Variants in C9orf50 observed in about 807,000 individuals in gnomAD.
C9orf50 encodes chromosome 9 open reading frame 50.
C9orf50 carries 33 observed loss-of-function variants against 42.5 expected under a neutral mutation model. That is an observed-to-expected ratio of 0.78 (90% CI 0.59 to 1.04). The LOEUF (loss-of-function observed/expected upper bound fraction) is 1.04, where lower values mean the gene tolerates loss of function less well. Ranked by LOEUF, C9orf50 falls within the 50% of genes least tolerant of loss-of-function variation. C9orf50 has a pLI of 0.00. For missense variants in C9orf50, 547 were observed against 594.3 expected, an observed-to-expected ratio of 0.92 and a Z score of 0.83; for synonymous variants, 257 against 273.4, an observed-to-expected ratio of 0.94 and a Z score of 0.59.
Position 129,613,650 on chromosome 9 carries a change from C to G in C9orf50, c.881-53G>C. On this transcript the variant is annotated intron_variant, in intron 4 of 6. Transcript: ENST00000372478. The surrounding 1 kb of genome is among the most constrained non-coding windows in gnomAD (Gnocchi z 6.2). ...TCTGCCCAGGAGGAGGGCACTGGTG[C>G]CCCCACCCTCTTTTCCTCCCTCTGG... 6.2e-7 allele frequency: 1 copy of G among 1,603,326 alleles called. No homozygotes were observed.
upstream of C9orf50, among the ~76,000 whole-genome samples, chr9:129,621,545 T>C (rs1431409714): frequency 2.0e-5 from 3 of 152,126 alleles, no homozygotes; most frequent in Non-Finnish European, 4.4e-5. Flanking sequence ...TTTGTAGAAA[T>C]GGGGTAGAAT....
In C9orf50 at chr9:129,617,431, G is replaced by T. The variant is rs377451327; in HGVS notation, c.717-1784C>A. Among the ~76,000 whole-genome samples, 9 of 152,146 alleles carry T rather than the reference G, an allele frequency of 5.9e-5. No individual in the cohort carries two copies. The East Asian group carries it at 1.7e-3, about 29-fold the overall frequency. On this transcript the variant is annotated intron_variant, in intron 3 of 6. Transcript: ENST00000372478. ...TGAAATCTCAGCATCTTCACTCGAG[G>T]GCCACTGGAGCCTGTTCTGAGGCAC... is the stretch of plus-strand genomic sequence containing the variant.
intron 3 of C9orf50, among the ~76,000 whole-genome samples, chr9:129,617,667 G>A (rs534970437): frequency 1.3e-5 from 2 of 151,936 alleles, no homozygotes; most frequent in South Asian, 4.2e-4. Flanking sequence ...GTTGGTAAAT[G>A]TGTTTCACTG....
At position 129,614,476 on chromosome 9, in the gene C9orf50, A is replaced by C; in HGVS notation, c.881-879T>G. On this transcript the variant is annotated intron_variant, in intron 4 of 6. Transcript: ENST00000372478. The surrounding 1 kb of genome is among the most constrained non-coding windows in gnomAD (Gnocchi z 4.4). The stretch of plus-strand genomic sequence containing the variant: ...CTCAATAAACAGCTAGAGGACATTG[A>C]CTGTTGGGGACCCTGGGGGCTGCTG... Among the ~76,000 whole-genome samples, 1 of 152,160 alleles carries C rather than the reference A, an allele frequency of 6.6e-6. No individual in the cohort carries two copies. Among genetic ancestry groups the C allele is most frequent in the East Asian group, 1.9e-4 (1 of 5,196 alleles).
In C9orf50 at chr9:129,616,044, T is replaced by C. The variant is rs145858591; in HGVS notation, c.717-397A>G. On this transcript the variant is annotated intron_variant, in intron 3 of 6. Coordinates refer to ENST00000372478, the Ensembl canonical transcript of C9orf50. The stretch of plus-strand genomic sequence containing the variant: ...AATAAGAATGCCAGCCCAGGAGTCA[T>C]GCAGTCCTGGGTTTCATTCCTGACC... 1.8e-3 allele frequency among the ~76,000 whole-genome samples: 270 copies of C among 152,280 alleles called. 2 individuals carry two copies. Among genetic ancestry groups the C allele is most frequent in the African/African-American group, 6.2e-3 (257 of 41,560 alleles).
intron 6 of C9orf50, 53 bp from the exon 7 acceptor site, chr9:129,612,507 A>G: frequency 7.0e-7 from 1 of 1,419,164 alleles, no homozygotes; most frequent in Admixed American, 1.8e-5. Context: ...GGGGCAGGGG[A>G]CTGGGCTCCC....
At chr9:129,612,231 T>G in exon 7 of C9orf50, 1 of 795,762 alleles carries the variant, frequency 1.3e-6, no homozygotes, top group South Asian at 1.6e-5. Context: ...AGGCTTGTGG[T>G]GTGACACCTA....
chr9:129,620,375 G>T lies in C9orf50; in HGVS notation c.200C>A (p.Ala67Asp). 8.1e-7 allele frequency: 1 copy of T among 1,228,554 alleles called. No homozygotes were observed. The highest frequency in any genetic ancestry group is 1.0e-6 in the Non-Finnish European group (1 of 986,434). The allele number at this position is 1,228,554 out of a possible 1,614,324, so 76.1% of individuals were successfully genotyped here. A position where few individuals can be genotyped will look rare whatever the true frequency, so the allele number is the denominator to read the frequency against. Residue 67 changes from alanine (A) to aspartate (D), a missense_variant, in exon 1 of 7, where the codon GCC (alanine) becomes GAC (aspartate). Ala to Asp is a moderately radical substitution (Grantham distance 126). Around this residue, in one of 3 missense-constraint regions of C9orf50, gnomAD observed 108 missense variants for 172.1 expected, o/e 0.63. Coordinates refer to ENST00000372478, the Ensembl canonical transcript of C9orf50. The surrounding 1 kb of genome is among the most constrained non-coding windows in gnomAD (Gnocchi z 5.8). ...GCGTCCGACGCCCACCCCGGGCTTG[G>T]CGTCCCCTTCCGGCCACCACGCGGC...
chr9:129,614,903 GA>G lies in C9orf50; in HGVS notation c.880+580del, dbSNP rs3054726. ...GGCGACAGAGTGAGACTCCGTATCAGAAAAAAAAAAAGAAAAAGAAAACTCA... is the reference window on the plus strand; with the variant it reads ...GGCGACAGAGTGAGACTCCGTATCAGAAAAAAAAAAGAAAAAGAAAACTCA... On this transcript the variant is annotated intron_variant, in intron 4 of 6. Transcript: ENST00000372478. The surrounding 1 kb of genome is among the most constrained non-coding windows in gnomAD (Gnocchi z 4.4). Among the ~76,000 whole-genome samples, 13 of 144,294 alleles carry G rather than the reference GA, an allele frequency of 9.0e-5. No homozygotes were observed. The highest frequency in any genetic ancestry group is 1.3e-4 in the African/African-American group (5 of 39,536). 94.7% of individuals were successfully genotyped at this position (144,294 alleles called of 152,430 possible).
At chr9:129,612,258 A>G in exon 7 of C9orf50, 1 of 1,131,446 alleles carries the variant, frequency 8.8e-7, no homozygotes, top group Non-Finnish European at 1.3e-6. Flanking sequence ...GGTCCCAGCC[A>G]CCTGGGATGT....
Position 129,620,461 on chromosome 9 carries a change from G to C in C9orf50, c.114C>G (p.Pro38=). 7.5e-7 allele frequency: 1 copy of C among 1,333,802 alleles called. No homozygotes were observed. Among genetic ancestry groups the C allele is most frequent in the Admixed American group, 3.4e-5 (1 of 29,066 alleles). 82.6% of individuals were successfully genotyped at this position (1,333,802 alleles called of 1,614,324 possible). ...GCGCGCCCAGAGCCGCTCGGAGCGC[G>C]GGCGGGGTCAGCTTGGGCAGCCGCG... The change falls in exon 1 of 7, where the codon CCC becomes CCG. Residue 38 remains proline (P), a synonymous_variant. Coordinates refer to ENST00000372478, the Ensembl canonical transcript of C9orf50. The surrounding 1 kb of genome is among the most constrained non-coding windows in gnomAD (Gnocchi z 5.8).
At chr9:129,612,531 G>A in intron 6 of C9orf50, 77 bp from the exon 7 acceptor site, 1 of 1,140,094 alleles carries the variant, frequency 8.8e-7, no homozygotes, top group Non-Finnish European at 1.3e-6. Context: ...GGGATTCTGT[G>A]CTGAAGCCCT....
chr9:129,619,279 A>G (rs1260779811), intron 3 of C9orf50, among the ~76,000 whole-genome samples: 2 of 152,178 alleles, frequency 1.3e-5, no homozygotes, highest in African/African-American at 2.4e-5. Context: ...GAATAGATTC[A>G]TGGATGAATT....
intron 3 of C9orf50, among the ~76,000 whole-genome samples, chr9:129,618,622 G>A (rs1363749676): frequency 6.8e-6 from 1 of 146,722 alleles, no homozygotes; most frequent in African/African-American, 2.7e-5. Flanking sequence ...ATTTGTAGAT[G>A]GTTGGTCATT....
At chr9:129,615,790 G>T in intron 3 of C9orf50, 143 bp from the exon 4 acceptor site, 1 of 959,882 alleles carries the variant, frequency 1.0e-6, no homozygotes, top group Non-Finnish European at 1.4e-6. Flanking sequence ...ACAGCAGCCG[G>T]CCTTAACGGA....
At chr9:129,619,788 C>A (rs748825749) in exon 2 of C9orf50, 3 of 1,613,990 alleles carry the variant, frequency 1.9e-6, no homozygotes, top group Non-Finnish European at 2.5e-6. Context: ...AGACCCTGGG[C>A]AGTGCTCTAA....
intron 3 of C9orf50, among the ~76,000 whole-genome samples, chr9:129,618,360 AAGTT>A (rs1421731934): frequency 6.6e-6 from 1 of 152,170 alleles, no homozygotes; most frequent in Non-Finnish European, 1.5e-5. Context: ...AACCTAATAA[AAGTT>A]AGAGTAAGAA....
Position 129,613,359 on chromosome 9 carries a change from G to A in C9orf50, c.1043+76C>T. The A allele has an allele frequency of 6.3e-7, 1 of 1,581,444 alleles. No homozygotes were observed. ...ACTGGCAACCCGCCTGCTGCTGGGT[G>A]GGGAGGTCTGTAGGCAAGGGGGGTG... On this transcript the variant is annotated intron_variant, in intron 5 of 6. Transcript: ENST00000372478. The surrounding 1 kb of genome is among the most constrained non-coding windows in gnomAD (Gnocchi z 6.2).
chr9:129,620,564 C>T lies in C9orf50; in HGVS notation c.11G>A (p.Arg4His), dbSNP rs749175607. ...GTCCTGGGCCCCTGGGCGAAGTCGA[C>T]GCCAGAACATGCTTGGCCCCGCACT... is the stretch of plus-strand genomic sequence containing the variant. The change falls in exon 1 of 7, where the codon CGT becomes CAT. Residue 4 changes from arginine to histidine, a missense_variant. Coordinates refer to ENST00000372478, the Ensembl canonical transcript of C9orf50. This position sits in a 1 kb window ranked among gnomAD's most constrained non-coding sequence, Gnocchi z 5.8. The T allele has an allele frequency of 3.6e-6, 5 of 1,373,874 alleles. No homozygotes were observed. The highest frequency in any genetic ancestry group is 1.7e-5 in the South Asian group (1 of 57,494). The allele number at this position is 1,373,874 out of a possible 1,614,324, so 85.1% of individuals were successfully genotyped here. A position where few individuals can be genotyped will look rare whatever the true frequency, so the allele number is the denominator to read the frequency against.
Sources: gnomAD v4.1 joint callset for allele counts (sites outside exome capture counted in the v4.1 genomes callset) on GRCh38, gnomAD v4.1.1 for gene constraint, gnomAD v4.1.1 regional missense constraint, Gnocchi (gnomAD v3.1) non-coding constraint, MANE v1.5 for transcripts, NCBI Gene and HGNC (gene_info 2026-07-23, HGNC 2026-07-21) for gene names.